The following ZNF81 variants were observed in gnomAD, a reference collection of about 807,000 sequenced individuals.
ZNF81 encodes zinc finger protein 81.
Under a neutral mutation model 32.3 loss-of-function variants are expected in ZNF81, and 5 were observed. The observed-to-expected ratio is 0.15, with a 90% confidence interval of 0.08 to 0.33. ZNF81 has a LOEUF of 0.33. Among genes scored for constraint, ZNF81 ranks in the 10% least tolerant of loss-of-function variants. The pLI is 1.00. For missense variants in ZNF81, 379 were observed against 479.8 expected (o/e 0.79, Z 1.96); for synonymous variants, 163 against 166.8 (o/e 0.98, Z 0.17).
intron 3 of ZNF81, among the ~76,000 whole-genome samples, chrX:47,894,188 G>T (rs1020231938): frequency 6.3e-5 from 7 of 111,535 alleles, no homozygotes; most frequent in African/African-American, 2.3e-4. Context: ...AATGACTAAT[G>T]CGAGGAAACA....
In ZNF81 at chrX:47,919,260, C is replaced by T. The variant is rs2146432612; in HGVS notation, c.*2628C>T. 1 of 320,875 alleles carries T rather than the reference C, an allele frequency of 3.1e-6. No individual in the cohort carries two copies. The highest frequency in any genetic ancestry group is 2.7e-5 in the South Asian group (1 of 36,394). 26.4% of individuals were successfully genotyped at this position (320,875 alleles called of 1,213,427 possible). The stretch of plus-strand genomic sequence containing the variant: ...ATGTGTCCTTCTTCAGTCTTTATTT[C>T]TCTTTGTGTTTCAGTTAGGATAATT... On this transcript the variant is annotated 3_prime_UTR_variant, in exon 5 of 5. Transcript: ENST00000338637.
intron 2 of ZNF81, among the ~76,000 whole-genome samples, chrX:47,853,645 C>T (rs782294176): frequency 4.5e-5 from 5 of 110,965 alleles, no homozygotes; most frequent in Non-Finnish European, 9.5e-5. Context: ...AGGTCCTGGG[C>T]TCAAACAATC....
At chrX:47,910,239 G>A (rs1168914666) in intron 4 of ZNF81, among the ~76,000 whole-genome samples, 1 of 111,363 alleles carries the variant, frequency 9.0e-6, no homozygotes, top group Non-Finnish European at 1.9e-5. Flanking sequence ...TGACAAATGG[G>A]ATCTAATTAA....
Position 47,923,117 on chromosome X carries a change from A to G in ZNF81, c.*6485A>G, listed in dbSNP as rs1272581970. On this transcript the variant is annotated 3_prime_UTR_variant, in exon 5 of 5. Transcript: ENST00000338637. ...GTTCTGGGGATTAGGATTTCCACGT[A>G]TCTTTTTTGCAGGTACACAGTTCAT... Among the ~76,000 whole-genome samples the G allele has an allele frequency of 3.6e-5, 4 of 111,862 alleles. No individual in the cohort carries two copies. Among genetic ancestry groups the G allele is most frequent in the African/African-American group, 1.3e-4 (4 of 30,731 alleles).
In ZNF81 at chrX:47,868,317, CTAT is replaced by C. The variant is rs781938248; in HGVS notation, c.55-19679_55-19677del. Among the ~76,000 whole-genome samples the C allele has an allele frequency of 6.4e-5, 7 of 109,575 alleles. No individual in the cohort carries two copies. The South Asian group carries it at 2.3e-3, about 35-fold the overall frequency. On this transcript the variant is annotated intron_variant, in intron 2 of 4. Coordinates refer to ENST00000338637, the MANE Select transcript of ZNF81 (RefSeq NM_007137.5). ...ATCTGTGACTGCCAGATTTGTTTGT[CTAT>C]TAAGTAGATGCTTTTTTTTATACTA...
Position 47,924,746 on chromosome X carries a change from T to A in ZNF81, c.*8114T>A, listed in dbSNP as rs907706859. On this transcript the variant is annotated 3_prime_UTR_variant, in exon 5 of 5. Coordinates refer to ENST00000338637, the MANE Select transcript of ZNF81 (RefSeq NM_007137.5). The stretch of plus-strand genomic sequence containing the variant: ...ATTCCAGGATAGTAAAGATAGAGAA[T>A]GTCTCCCTCCCTGGAGACTTTCCCA... Among the ~76,000 whole-genome samples, 2 of 111,713 alleles carry A rather than the reference T, an allele frequency of 1.8e-5. No individual in the cohort carries two copies. The highest frequency in any genetic ancestry group is 3.8e-5 in the Non-Finnish European group (2 of 53,071).
intron 2 of ZNF81, among the ~76,000 whole-genome samples, chrX:47,850,891 G>GCA (rs782209480): frequency 0.064 from 3,392 of 53,390 alleles, 102 homozygotes; most frequent in East Asian, 0.19. Context: ...AGGCACGCGC[G>GCA]CACACACACA....
chrX:47,915,257 A>G lies in ZNF81; in HGVS notation c.611A>G (p.Asp204Gly), dbSNP rs1556890500. 1 of 1,209,570 alleles carries G rather than the reference A, an allele frequency of 8.3e-7. No individual in the cohort carries two copies. The highest frequency in any genetic ancestry group is 1.1e-6 in the Non-Finnish European group (1 of 894,963). ...SFGKSFKHNL[D>G]LHIHNKSNAA... ...GGGAAGAGTTTTAAGCATAATTTAGACTTACATATTCATAATAAAAGCAAT... is the reference window on the plus strand; with the variant it reads ...GGGAAGAGTTTTAAGCATAATTTAGGCTTACATATTCATAATAAAAGCAAT... Residue 204 changes from aspartate to glycine, a missense_variant, in exon 5 of 5, where the codon GAC becomes GGC. Asp to Gly is a moderately conservative substitution (Grantham distance 94). Transcript: ENST00000338637.
chrX:47,920,070 A>G lies in ZNF81; in HGVS notation c.*3438A>G, dbSNP rs1006499094. On this transcript the variant is annotated 3_prime_UTR_variant, in exon 5 of 5. Transcript: ENST00000338637. ...GTTGCCCTTTTGATAGGCCATTAGC[A>G]TGGGGAGATTGAATCCATCTAATCA... is the stretch of plus-strand genomic sequence containing the variant. The G allele has an allele frequency of 8.9e-6, 1 of 112,078 alleles. No individual in the cohort carries two copies. The highest frequency in any genetic ancestry group is 1.9e-5 in the Non-Finnish European group (1 of 53,227). 9.2% of individuals were successfully genotyped at this position (112,078 alleles called of 1,213,427 possible).
intron 2 of ZNF81, among the ~76,000 whole-genome samples, chrX:47,862,050 T>A (rs1399796190): frequency 9.0e-6 from 1 of 111,403 alleles, no homozygotes; most frequent in Middle Eastern, 4.2e-3. Flanking sequence ...TTTATCCCTC[T>A]AGGAAGTTCC....
In ZNF81 at chrX:47,915,024, C is replaced by T; in HGVS notation, c.378C>T (p.Tyr126=). The T allele has an allele frequency of 8.3e-7, 1 of 1,207,404 alleles. No homozygotes were observed. Among genetic ancestry groups the T allele is most frequent in the Non-Finnish European group, 1.1e-6 (1 of 893,655 alleles). Residue 126 remains tyrosine, a synonymous_variant, in exon 5 of 5, where the codon TAC becomes TAT. Transcript: ENST00000338637. The stretch of plus-strand genomic sequence containing the variant: ...AAGACACAAGAGATGATTCATTATA[C>T]TCTATTTTAGAAGAATTGTGGCAAG... ...EGEDTRDDSL[Y]SILEELWQDA...
chrX:47,882,170 G>GTA (rs201250589), intron 2 of ZNF81, among the ~76,000 whole-genome samples: 1,342 of 110,078 alleles, frequency 0.012, 15 homozygotes, highest in Middle Eastern at 0.028. Flanking sequence ...ATATGTGTGT[G>GTA]TATATATATA....
chrX:47,856,488 C>T (rs1361160858), intron 2 of ZNF81, among the ~76,000 whole-genome samples: 2 of 110,850 alleles, frequency 1.8e-5, no homozygotes, highest in African/African-American at 3.3e-5. Context: ...TAAAGGAAAC[C>T]AAAAGAAATA....
intron 1 of ZNF81, among the ~76,000 whole-genome samples, chrX:47,844,084 T>A: frequency 8.9e-6 from 1 of 112,255 alleles, no homozygotes; most frequent in Non-Finnish European, 1.9e-5. Context: ...TTGTATAGCT[T>A]CTGTATTGAT....
chrX:47,845,111 C>T (rs1556880263), intron 1 of ZNF81, among the ~76,000 whole-genome samples: 1 of 111,779 alleles, frequency 8.9e-6, no homozygotes, highest in South Asian at 3.7e-4. Flanking sequence ...GTATAACATC[C>T]TTTTTATGTT....
chrX:47,923,341 G>T lies in ZNF81; in HGVS notation c.*6709G>T, dbSNP rs2146435696. Among the ~76,000 whole-genome samples the T allele has an allele frequency of 9.0e-6, 1 of 111,371 alleles. No homozygotes were observed. Among genetic ancestry groups the T allele is most frequent in the African/African-American group, 3.3e-5 (1 of 30,632 alleles). ...ATCCAGCTATCTAAAGAAAATGTAG[G>T]GAGTAACAGGAAAAGCAGGCCTAAG... On this transcript the variant is annotated 3_prime_UTR_variant, in exon 5 of 5. Transcript: ENST00000338637.
chrX:47,914,993 A>G lies in ZNF81; in HGVS notation c.347A>G (p.Glu116Gly), dbSNP rs1556890384. Reference protein sequence around the residue: ...SGKSTFHSEMEGEDTRDDSLY... With the variant: ...SGKSTFHSEMGGEDTRDDSLY... ...AAATCTACATTTCATAGTGAAATGG[A>G]GGGTGAAGACACAAGAGATGATTCA... The change falls in exon 5 of 5, where the codon GAG (glutamate) becomes GGG (glycine). Residue 116 changes from glutamate (E) to glycine (G), a missense_variant. This residue lies in a region of ZNF81 where 277 missense variants were observed against 306.6 expected (regional missense o/e 0.90). Transcript: ENST00000338637. 8.3e-7 allele frequency: 1 copy of G among 1,207,124 alleles called. No individual in the cohort carries two copies. The highest frequency in any genetic ancestry group is 1.8e-5 in the South Asian group (1 of 56,259).
At position 47,923,566 on chromosome X, in the gene ZNF81, C is replaced by T. The variant is rs1556892301; in HGVS notation, c.*6934C>T. On this transcript the variant is annotated 3_prime_UTR_variant, in exon 5 of 5. Coordinates refer to ENST00000338637, the MANE Select transcript of ZNF81 (RefSeq NM_007137.5). ...AAAATTGGTTCTTGATTTTATGACACAGAGGTTGTTGTTGGCTTTGATGAA... is the reference window on the plus strand; with the variant it reads ...AAAATTGGTTCTTGATTTTATGACATAGAGGTTGTTGTTGGCTTTGATGAA... 8.9e-6 allele frequency among the ~76,000 whole-genome samples: 1 copy of T among 111,760 alleles called. No homozygotes were observed. Among genetic ancestry groups the T allele is most frequent in the African/African-American group, 3.3e-5 (1 of 30,671 alleles).
At chrX:47,891,510 T>C (rs1317312625) in intron 3 of ZNF81, among the ~76,000 whole-genome samples, 5 of 112,338 alleles carry the variant, frequency 4.5e-5, no homozygotes, top group African/African-American at 1.6e-4. Flanking sequence ...GCAGCTCTAG[T>C]GGCTTCACTT....
Sources: allele counts gnomAD v4.1 joint callset (sites outside exome capture counted in the v4.1 genomes callset), GRCh38; gene constraint gnomAD v4.1.1; regional missense constraint gnomAD v4.1.1; transcripts MANE v1.5; gene names NCBI Gene and HGNC (gene_info 2026-07-23, HGNC 2026-07-21).